The following TMEM131 variants were observed in gnomAD, a reference collection of about 807,000 sequenced individuals.
TMEM131 encodes transmembrane protein 131.
In TMEM131, 66 loss-of-function variants were observed where a neutral mutation model predicts 211.6. The observed-to-expected ratio is 0.31, with a 90% CI of 0.26 to 0.38. The LOEUF is 0.38. Among genes scored for constraint, TMEM131 ranks in the 10% least tolerant of loss-of-function variants. The pLI is 1.00. For synonymous variants in TMEM131, 844 were observed against 841.3 expected (o/e 1.00, Z -0.06); for missense variants, 2,036 against 2,299.3 (o/e 0.89, Z 2.34).
chr2:97,818,714 C>T lies in TMEM131; in HGVS notation c.1082G>A (p.Arg361Gln), dbSNP rs1181391047. 1.4e-5 allele frequency: 22 copies of T among 1,597,288 alleles called. No homozygotes were observed. Among genetic ancestry groups the T allele is most frequent in the Middle Eastern group, 1.6e-4 (1 of 6,062 alleles). ...GTKDVPITSV[R>Q]PTPQNDAITV... ...TATAGCATCATTTTGTGGTGTAGGT[C>T]GAACACTCTGCAAAGAGAACAAAAA... Residue 361 changes from arginine (R) to glutamine (Q), a missense_variant, in exon 12 of 41, where the codon CGA becomes CAA. This residue lies in a region of TMEM131 where 277 missense variants were observed against 378.0 expected (regional missense o/e 0.73). Coordinates refer to ENST00000186436, the MANE Select transcript of TMEM131 (RefSeq NM_015348.2).
intron 40 of TMEM131, 96 bp downstream of exon 40, chr2:97,758,797 G>A (rs1678652881): frequency 6.8e-7 from 1 of 1,480,562 alleles, no homozygotes. Context: ...GCTGTTTGTT[G>A]TTTATAACTA....
At chr2:97,897,782 T>C (rs1675677107) in intron 3 of TMEM131, among the ~76,000 whole-genome samples, 1 of 152,152 alleles carries the variant, frequency 6.6e-6, no homozygotes, top group Non-Finnish European at 1.5e-5. Flanking sequence ...AGCGTTTATG[T>C]AAGACTAGTA....
chr2:97,885,122 A>C (rs1675090854), intron 4 of TMEM131, among the ~76,000 whole-genome samples: 1 of 152,190 alleles, frequency 6.6e-6, no homozygotes, highest in African/African-American at 2.4e-5. Context: ...TTTCATTTCC[A>C]GATATAAGAG....
At chr2:97,772,264 G>T (rs1351685191) in intron 33 of TMEM131, 33 bp downstream of exon 33, 1 of 1,578,310 alleles carries the variant, frequency 6.3e-7, no homozygotes, top group African/African-American at 1.4e-5. Context: ...CTTCTTTATA[G>T]ACCTTATTTC....
At chr2:97,790,594 CTG>C (rs1463229252) in intron 31 of TMEM131, among the ~76,000 whole-genome samples, 6 of 152,192 alleles carry the variant, frequency 3.9e-5, no homozygotes, top group Non-Finnish European at 7.3e-5. Flanking sequence ...TGTTGGAAGA[CTG>C]TGTTGACACA....
chr2:97,809,746 A>G lies in TMEM131; in HGVS notation c.1997T>C (p.Ile666Thr), dbSNP rs1255445797. The change falls in exon 19 of 41, where the codon ATT (isoleucine) becomes ACT (threonine). Residue 666 changes from isoleucine (I) to threonine (T), a missense_variant. Around this residue, in one of 3 missense-constraint regions of TMEM131, gnomAD observed 1,623 missense variants for 1,805.9 expected, o/e 0.90. Transcript: ENST00000186436. ...GAAGCAGGTCAGTGAGCCTACTGCA[A>G]TCACAGCCTTCACAGGGATTGTCAG... The part of the protein sequence containing the change: ...EILTIPVKAV[I>T]AVGSLTCFPK... 6.2e-7 allele frequency: 1 copy of G among 1,608,494 alleles called. No homozygotes were observed. The highest frequency in any genetic ancestry group is 8.5e-7 in the Non-Finnish European group (1 of 1,177,406).
rs1021110036 is a variant in TMEM131 at position 97,942,527 on chromosome 2, C to T, written c.188-15040G>A. On this transcript the variant is annotated intron_variant, in intron 1 of 40. Coordinates refer to ENST00000186436, the MANE Select transcript of TMEM131 (RefSeq NM_015348.2). ...GAAAAGAAAGAAACAGGGAGCATTACTAATGCTACAAAAAGAAATGAACTT... is the reference window on the plus strand; with the variant it reads ...GAAAAGAAAGAAACAGGGAGCATTATTAATGCTACAAAAAGAAATGAACTT... 6.0e-5 allele frequency among the ~76,000 whole-genome samples: 9 copies of T among 149,874 alleles called. No homozygotes were observed. The East Asian group carries it at 1.7e-3, about 29-fold the overall frequency.
chr2:97,903,779 G>T (rs530705677), intron 3 of TMEM131, among the ~76,000 whole-genome samples: 1 of 152,200 alleles, frequency 6.6e-6, no homozygotes, highest in East Asian at 1.9e-4. Context: ...CGCCTCCCGG[G>T]TTCAAGCAAT....
intron 1 of TMEM131, among the ~76,000 whole-genome samples, chr2:97,945,512 A>G (rs1677992386): frequency 6.6e-6 from 1 of 152,188 alleles, no homozygotes; most frequent in Admixed American, 6.5e-5. Flanking sequence ...TTTGTGTTCT[A>G]TTCCCTAAAT....
intron 1 of TMEM131, among the ~76,000 whole-genome samples, chr2:97,968,390 G>A (rs1035902326): frequency 2.6e-5 from 4 of 152,056 alleles, no homozygotes; most frequent in South Asian, 2.1e-4. Context: ...CATGAACTTC[G>A]GACGTAAACA....
At chr2:97,759,099 T>C (rs928266618) in intron 39 of TMEM131, 46 bp from the exon 40 acceptor site, 4 of 1,612,436 alleles carry the variant, frequency 2.5e-6, no homozygotes, top group Non-Finnish European at 2.5e-6. Context: ...GGTTTTGCCA[T>C]GATCACTATA....
chr2:97,904,426 G>GA (rs1195545705), intron 3 of TMEM131, among the ~76,000 whole-genome samples: 41 of 152,116 alleles, frequency 2.7e-4, no homozygotes, highest in Middle Eastern at 3.4e-3. Context: ...AAGCAAATAT[G>GA]AAAAAACATT....
chr2:97,852,926 C>T (rs1187739370), intron 5 of TMEM131, among the ~76,000 whole-genome samples: 1 of 152,226 alleles, frequency 6.6e-6, no homozygotes, highest in Non-Finnish European at 1.5e-5. Flanking sequence ...TCTACCTGTG[C>T]TCTATAAATG....
At chr2:97,878,314 T>C (rs1573498131) in intron 4 of TMEM131, among the ~76,000 whole-genome samples, 1 of 152,162 alleles carries the variant, frequency 6.6e-6, no homozygotes, top group East Asian at 1.9e-4. Flanking sequence ...GATCTAGAAC[T>C]AGAAATACCA....
intron 4 of TMEM131, among the ~76,000 whole-genome samples, chr2:97,879,801 T>C (rs1466194780): frequency 3.9e-5 from 6 of 152,222 alleles, no homozygotes; most frequent in Non-Finnish European, 8.8e-5. Flanking sequence ...ACATACAAAA[T>C]ACATGTTAAC....
At chr2:97,809,544 A>G in intron 19 of TMEM131, 144 bp downstream of exon 19, 1 of 629,802 alleles carries the variant, frequency 1.6e-6, no homozygotes, top group Non-Finnish European at 2.8e-6. Flanking sequence ...ATCTCTTTAC[A>G]TCTTCTAAAG....
chr2:97,818,287 A>G (rs1199122825), intron 12 of TMEM131, among the ~76,000 whole-genome samples: 9 of 152,168 alleles, frequency 5.9e-5, no homozygotes, highest in Admixed American at 2.0e-4. Flanking sequence ...TAACTTCATA[A>G]TTAAGATGAA....
chr2:97,927,405 G>A (rs375188441), intron 2 of TMEM131, 21 bp downstream of exon 2: 3 of 1,564,618 alleles, frequency 1.9e-6, no homozygotes, highest in Non-Finnish European at 2.6e-6. Context: ...ACAATAACTT[G>A]TCTACTTAAA....
At chr2:97,887,901 T>C in intron 4 of TMEM131, 151 bp downstream of exon 4, 2 of 593,418 alleles carry the variant, frequency 3.4e-6, no homozygotes, top group Non-Finnish European at 5.9e-6. Flanking sequence ...CTTCCCATTT[T>C]CAAACTGCAT....
Sources: allele counts gnomAD v4.1 joint callset (sites outside exome capture counted in the v4.1 genomes callset), GRCh38; gene constraint gnomAD v4.1.1; regional missense constraint gnomAD v4.1.1; transcripts MANE v1.5; gene names NCBI Gene and HGNC (gene_info 2026-07-23, HGNC 2026-07-21).